The following KCNQ5 variants were observed in gnomAD, a reference collection of about 807,000 sequenced individuals.
KCNQ5 encodes the protein potassium voltage-gated channel subfamily Q member 5.
KCNQ5 carries 30 observed loss-of-function variants against 98.2 expected under a neutral mutation model. That is an observed-to-expected ratio of 0.31 (90% CI 0.23 to 0.41). The LOEUF (loss-of-function observed/expected upper bound fraction) is 0.41. KCNQ5 is among the 10% of genes least tolerant of loss of function. The pLI, the probability that KCNQ5 is intolerant of heterozygous loss-of-function variation, is 1.00. For missense variants in KCNQ5, 835 were observed against 1,182.5 expected (o/e 0.71, Z 4.31); for synonymous variants, 458 against 449.4 (o/e 1.02, Z -0.24).
intron 5 of KCNQ5, among the ~76,000 whole-genome samples, chr6:73,098,992 A>G (rs552379617): frequency 6.6e-6 from 1 of 152,332 alleles, no homozygotes; most frequent in African/African-American, 2.4e-5. Flanking sequence ...AAAAAGTTTA[A>G]AAGTGGGATG....
At chr6:73,090,354 G>A (rs1774190446) in intron 5 of KCNQ5, among the ~76,000 whole-genome samples, 1 of 152,126 alleles carries the variant, frequency 6.6e-6, no homozygotes, top group Non-Finnish European at 1.5e-5. Context: ...CTCCCACTCT[G>A]TGAGTTGTCT....
At chr6:72,813,494 C>G (rs1242112312) in intron 1 of KCNQ5, among the ~76,000 whole-genome samples, 3 of 152,034 alleles carry the variant, frequency 2.0e-5, no homozygotes, top group African/African-American at 7.2e-5. Flanking sequence ...GTTTTTAATC[C>G]AAATGGGCCT....
chr6:73,131,955 T>A (rs947985037), intron 9 of KCNQ5, among the ~76,000 whole-genome samples: 1 of 152,248 alleles, frequency 6.6e-6, no homozygotes, highest in Non-Finnish European at 1.5e-5. Context: ...TCAACTTGTT[T>A]ATTGTTTCCA....
In KCNQ5 at chr6:73,116,508, A is replaced by C. The variant is rs575943378; in HGVS notation, c.1126-3975A>C. 4.6e-5 allele frequency among the ~76,000 whole-genome samples: 7 copies of C among 152,170 alleles called. No individual in the cohort carries two copies. In the East Asian group the frequency reaches 9.7e-4, roughly 21 times the overall value. On this transcript the variant is annotated intron_variant, in intron 7 of 13. Coordinates refer to ENST00000370398, the MANE Select transcript of KCNQ5 (RefSeq NM_019842.4). ...TAGCGAGACCCCACCTCTACAAAAA[A>C]ATTTTAAAAAGTCAAGTGCAATGGC...
intron 1 of KCNQ5, among the ~76,000 whole-genome samples, chr6:72,816,173 G>A (rs762458178): frequency 1.3e-4 from 20 of 152,102 alleles, no homozygotes; most frequent in African/African-American, 3.4e-4. Flanking sequence ...TTTTATTGTC[G>A]CAAATAAATA....
chr6:72,937,355 G>A (rs1244704650), intron 1 of KCNQ5, among the ~76,000 whole-genome samples: 1 of 152,100 alleles, frequency 6.6e-6, no homozygotes, highest in African/African-American at 2.4e-5. Flanking sequence ...GAACCAGCAA[G>A]AATCTGCCCT....
intron 1 of KCNQ5, among the ~76,000 whole-genome samples, chr6:72,690,872 A>T (rs536214232): frequency 1.8e-4 from 27 of 152,220 alleles, no homozygotes; most frequent in African/African-American, 6.5e-4. Context: ...AATTATATAT[A>T]GATGTCCTTT....
intron 10 of KCNQ5, among the ~76,000 whole-genome samples, chr6:73,155,463 A>G (rs1759154161): frequency 6.6e-6 from 1 of 152,318 alleles, no homozygotes; most frequent in Non-Finnish European, 1.5e-5. Context: ...AGAATGTCCA[A>G]TGATGATGAT....
intron 10 of KCNQ5, among the ~76,000 whole-genome samples, chr6:73,146,626 CAAAAAAAAAAAA>C (rs58798764): frequency 1.8e-4 from 5 of 28,484 alleles, no homozygotes; most frequent in Middle Eastern, 0.031. Flanking sequence ...GTCCCTGTCT[CAAAAAAAAAAAA>C]AAAAAAAAAA....
chr6:72,800,238 G>A (rs930937287), intron 1 of KCNQ5, among the ~76,000 whole-genome samples: 8 of 152,126 alleles, frequency 5.3e-5, no homozygotes, highest in Admixed American at 6.6e-5. Context: ...GGTAGAATTC[G>A]GCTGTGAATC....
chr6:72,787,025 A>G (rs1392577210), intron 1 of KCNQ5, among the ~76,000 whole-genome samples: 2 of 148,586 alleles, frequency 1.3e-5, no homozygotes, highest in African/African-American at 2.5e-5. Flanking sequence ...AAAAAAAAAA[A>G]AAAAGAAATG....
At chr6:73,087,354 T>C in intron 5 of KCNQ5, among the ~76,000 whole-genome samples, 1 of 152,184 alleles carries the variant, frequency 6.6e-6, no homozygotes, top group Non-Finnish European at 1.5e-5. Context: ...GCTTCTGACA[T>C]GAGCAAGTGG....
intron 5 of KCNQ5, among the ~76,000 whole-genome samples, chr6:73,097,385 CA>C (rs1161829798): frequency 6.6e-6 from 1 of 152,002 alleles, no homozygotes; most frequent in African/African-American, 2.4e-5. Flanking sequence ...ATCATTTGAT[CA>C]AATTTTATTT....
intron 9 of KCNQ5, 141 bp downstream of exon 9, chr6:73,124,653 T>C (rs1289631955): frequency 3.0e-5 from 23 of 779,340 alleles, no homozygotes; most frequent in Non-Finnish European, 5.1e-5. Flanking sequence ...CCTGCAAAGA[T>C]TGCTATTTTA....
At chr6:73,099,625 G>A (rs1292116361) in intron 5 of KCNQ5, among the ~76,000 whole-genome samples, 1 of 152,026 alleles carries the variant, frequency 6.6e-6, no homozygotes, top group East Asian at 1.9e-4. Context: ...TCAGCAAGAG[G>A]ATATAACAAC....
intron 1 of KCNQ5, among the ~76,000 whole-genome samples, chr6:72,907,082 T>C (rs2150201027): frequency 6.6e-6 from 1 of 152,350 alleles, no homozygotes; most frequent in South Asian, 2.1e-4. Context: ...CCTTTTAGAT[T>C]TTAGTGTATT....
intron 1 of KCNQ5, among the ~76,000 whole-genome samples, chr6:72,988,907 T>A (rs1768965774): frequency 1.4e-5 from 1 of 72,578 alleles, no homozygotes; most frequent in African/African-American, 5.5e-5. Flanking sequence ...TATGCGTTGT[T>A]TGGTTTTTTG....
At chr6:73,070,528 T>C (rs1773255034) in intron 3 of KCNQ5, among the ~76,000 whole-genome samples, 1 of 152,204 alleles carries the variant, frequency 6.6e-6, no homozygotes, top group Admixed American at 6.5e-5. Flanking sequence ...AATAGTCCAA[T>C]GAAGGTGTTC....
chr6:72,733,028 G>T (rs1770635829), intron 1 of KCNQ5, among the ~76,000 whole-genome samples: 1 of 152,180 alleles, frequency 6.6e-6, no homozygotes. Context: ...CAAAAATAAG[G>T]TGTGTTCAGT....
Sources: gnomAD v4.1 joint callset for allele counts (sites outside exome capture counted in the v4.1 genomes callset) on GRCh38, gnomAD v4.1.1 for gene constraint, MANE v1.5 for transcripts, NCBI Gene and HGNC (gene_info 2026-07-23, HGNC 2026-07-21) for gene names.